The following ANK3 variants were observed in gnomAD, a reference collection of about 807,000 sequenced individuals.
The protein encoded by ANK3 is ankyrin-3.
ANK3 carries 57 observed loss-of-function variants against 370.9 expected under a neutral mutation model. That is an observed-to-expected ratio of 0.15 (90% CI 0.12 to 0.19). The LOEUF is 0.19. Ranked by LOEUF, ANK3 falls within the 10% of genes least tolerant of loss-of-function variation. ANK3 has a pLI of 1.00. For missense variants in ANK3, 4,439 were observed against 5,302.1 expected, an observed-to-expected ratio of 0.84 and a Z score of 5.06; for synonymous variants, 1,929 against 1,946.3, an observed-to-expected ratio of 0.99 and a Z score of 0.23.
intron 1 of ANK3, among the ~76,000 whole-genome samples, chr10:60,292,952 A>C (rs1273968694): frequency 6.6e-6 from 1 of 152,052 alleles, no homozygotes; most frequent in Non-Finnish European, 1.5e-5. Context: ...CAGGTGATCC[A>C]CCTGCCTTGG....
intron 1 of ANK3, among the ~76,000 whole-genome samples, chr10:60,651,327 T>C (rs1289125853): frequency 6.6e-6 from 1 of 152,174 alleles, no homozygotes; most frequent in Non-Finnish European, 1.5e-5. Context: ...TTCCAGCTTT[T>C]GACATAGGGA....
intron 8 of ANK3, among the ~76,000 whole-genome samples, chr10:60,227,921 A>G (rs2097187585): frequency 1.3e-5 from 2 of 151,904 alleles, no homozygotes; most frequent in Admixed American, 6.6e-5. Flanking sequence ...TTTCCAGTTG[A>G]CTTTGTTTAG....
intron 1 of ANK3, among the ~76,000 whole-genome samples, chr10:60,339,229 C>A (rs1361001024): frequency 6.6e-6 from 1 of 152,070 alleles, no homozygotes; most frequent in Non-Finnish European, 1.5e-5. Context: ...GATGAAAATG[C>A]AATCTACTCA....
intron 26 of ANK3, among the ~76,000 whole-genome samples, chr10:60,112,154 A>C (rs2132106745): frequency 6.6e-6 from 1 of 152,242 alleles, no homozygotes; most frequent in Non-Finnish European, 1.5e-5. Flanking sequence ...TTCATTTCTG[A>C]TTTTGTTATC....
At chr10:60,548,809 C>G (rs547078482) in intron 2 of ANK3, among the ~76,000 whole-genome samples, 3 of 151,926 alleles carry the variant, frequency 2.0e-5, no homozygotes, top group Non-Finnish European at 4.4e-5. Flanking sequence ...TTAATTCTTA[C>G]AACAATCTCA....
Position 60,240,304 on chromosome 10 carries a change from A to ATT in ANK3, c.799-5519_799-5518insAA, listed in dbSNP as rs1305756045. On this transcript the variant is annotated intron_variant, in intron 7 of 43. Transcript: ENST00000280772. ...CACATATATATATATATATATATAT[A>ATT]TATTTTTTTTTCTTTTTGAGATAGA... Among the ~76,000 whole-genome samples the ATT allele has an allele frequency of 8.3e-4, 73 of 87,618 alleles. 3 individuals carry two copies. Among genetic ancestry groups the ATT allele is most frequent in the South Asian group, 1.7e-3 (5 of 3,028 alleles). 57.5% of individuals were successfully genotyped at this position (87,618 alleles called of 152,430 possible).
At chr10:60,460,580 A>T (rs1391166408) in intron 2 of ANK3, among the ~76,000 whole-genome samples, 1 of 152,060 alleles carries the variant, frequency 6.6e-6, no homozygotes, top group Non-Finnish European at 1.5e-5. Context: ...GTGTCATTTT[A>T]TATCTGAATT....
chr10:60,564,362 T>C (rs2077410411), intron 2 of ANK3, among the ~76,000 whole-genome samples: 1 of 152,164 alleles, frequency 6.6e-6, no homozygotes, highest in Non-Finnish European at 1.5e-5. Context: ...ACACCATTAC[T>C]CAAATCACCT....
chr10:60,722,783 A>C (rs749985175), intron 1 of ANK3, among the ~76,000 whole-genome samples: 3 of 152,116 alleles, frequency 2.0e-5, no homozygotes, highest in Non-Finnish European at 4.4e-5. Context: ...CTGGTTGTTT[A>C]AAAGAGTTTG....
chr10:60,312,199 T>C (rs145129434), intron 1 of ANK3, among the ~76,000 whole-genome samples: 97 of 152,300 alleles, frequency 6.4e-4, no homozygotes, highest in African/African-American at 2.3e-3. Context: ...GAATTCTCCA[T>C]GGGAGCAGCT....
At chr10:60,574,050 T>C (rs2077651295) in intron 2 of ANK3, among the ~76,000 whole-genome samples, 2 of 152,160 alleles carry the variant, frequency 1.3e-5, no homozygotes, top group Non-Finnish European at 2.9e-5. Context: ...CAATGGTATG[T>C]GTGGGGGACT....
At chr10:60,043,686 C>A in intron 42 of ANK3, 1 of 985,448 alleles carries the variant, frequency 1.0e-6, no homozygotes, top group Non-Finnish European at 1.2e-6. Context: ...ACTTTTAAAG[C>A]CTGTGCTTTT....
rs1211345102 is a variant in ANK3, at chr10:60,450,283, G to A, written c.96+164903C>T. Among the ~76,000 whole-genome samples, 6 of 152,090 alleles carry A rather than the reference G, an allele frequency of 3.9e-5. No individual in the cohort carries two copies. In the South Asian group the frequency reaches 1.0e-3, roughly 26 times the overall value. ...CACTCCAGCTAGCCTGGGTGACAGC[G>A]GGAGGCCCTGTCTTAAGAAAAATAT... On this transcript the variant is annotated intron_variant, in intron 2 of 43. Coordinates refer to the ANK3 transcript ENST00000373827.
At chr10:60,269,567 C>T (rs534283152) in intron 5 of ANK3, among the ~76,000 whole-genome samples, 80 of 152,058 alleles carry the variant, frequency 5.3e-4, no homozygotes, top group African/African-American at 1.4e-3. Flanking sequence ...ATTGCTTGAA[C>T]CCGGGAGGCG....
At chr10:60,724,079 G>A (rs1448893749) in intron 1 of ANK3, among the ~76,000 whole-genome samples, 2 of 128,990 alleles carry the variant, frequency 1.6e-5, no homozygotes, top group African/African-American at 2.7e-5. Flanking sequence ...GTGTGGTGGC[G>A]GGCGCCTGTA....
At chr10:60,196,709 A>G (rs2096592584) in intron 14 of ANK3, 84 bp from the exon 15 acceptor site, 1 of 837,694 alleles carries the variant, frequency 1.2e-6, no homozygotes. Flanking sequence ...AACAACAAAC[A>G]AACAAAAAGA....
chr10:60,064,955 G>C (rs184813179), intron 38 of ANK3, among the ~76,000 whole-genome samples: 117 of 152,308 alleles, frequency 7.7e-4, no homozygotes, highest in Admixed American at 9.2e-4. Context: ...CAAATTACAA[G>C]ATACGTAGAG....
chr10:60,172,995 C>T lies in ANK3; in HGVS notation c.2287G>A (p.Gly763Arg), dbSNP rs756675211. 1.2e-6 allele frequency: 2 copies of T among 1,612,222 alleles called. No individual in the cohort carries two copies. The highest frequency in any genetic ancestry group is 1.1e-5 in the South Asian group (1 of 91,012). ...GCTGCTTGATGTAATGGCGTATACC[C>T]ATTCTGTAGAAGGAAGATGGAAGAG... ...SAKVNAKTKN[G>R]YTPLHQAAQQ... is the part of the protein sequence containing the mutation. Residue 763 changes from glycine to arginine, a missense_variant, in exon 20 of 44, where the codon GGG (glycine) becomes AGG (arginine). Gly to Arg is a moderately radical substitution (Grantham distance 125). Around this residue, in one of 13 missense-constraint regions of ANK3, gnomAD observed 702 missense variants for 941.5 expected, o/e 0.75. Coordinates refer to ENST00000280772, the MANE Select transcript of ANK3 (RefSeq NM_020987.5).
chr10:60,520,277 G>A (rs1402610727), intron 2 of ANK3, among the ~76,000 whole-genome samples: 2 of 152,176 alleles, frequency 1.3e-5, no homozygotes, highest in Middle Eastern at 3.4e-3. Context: ...CACTGGGGAC[G>A]AAGGAGGGAG....
Sources: gnomAD v4.1 joint callset for allele counts (sites outside exome capture counted in the v4.1 genomes callset) on GRCh38, gnomAD v4.1.1 for gene constraint, gnomAD v4.1.1 regional missense constraint, MANE v1.5 for transcripts, NCBI Gene and HGNC (gene_info 2026-07-23, HGNC 2026-07-21) for gene names.